Variants in EFR3B observed in about 807,000 individuals in gnomAD.
The protein encoded by EFR3B is protein EFR3 homolog B.
In EFR3B, 64 loss-of-function variants were observed where a neutral mutation model predicts 104.7. That is an observed-to-expected ratio of 0.61 (90% CI 0.50 to 0.75). EFR3B has a LOEUF of 0.75. Ranked by LOEUF, EFR3B falls within the 30% of genes least tolerant of loss-of-function variation. The pLI, the probability that EFR3B is intolerant of heterozygous loss-of-function variation, is 0.00. For synonymous variants in EFR3B, 385 were observed against 417.9 expected (o/e 0.92, Z 0.96); for missense variants, 750 against 1,078.5 (o/e 0.70, Z 4.27).
At position 25,136,780 on chromosome 2, in the gene EFR3B, G is replaced by T. The variant is rs920576273; in HGVS notation, c.1560+182G>T. Among the ~76,000 whole-genome samples the T allele has an allele frequency of 5.9e-5, 9 of 152,228 alleles. No homozygotes were observed. The highest frequency in any genetic ancestry group is 2.2e-4 in the African/African-American group (9 of 41,460). On this transcript the variant is annotated intron_variant, in intron 14 of 22. Transcript: ENST00000403714. This position sits in a 1 kb window ranked among gnomAD's most constrained non-coding sequence, Gnocchi z 4.0. Reference sequence around the variant, plus strand: ...AAGCTACAAAAATTAACCGGGCATGGTGGTGGGCACCTGCAATCCCAGCTA... The same window carrying T: ...AAGCTACAAAAATTAACCGGGCATGTTGGTGGGCACCTGCAATCCCAGCTA...
Position 25,157,546 on chromosome 2 carries a change from A to C in EFR3B, c.*3206A>C, listed in dbSNP as rs935561075. On this transcript the variant is annotated 3_prime_UTR_variant, in exon 23 of 23. Coordinates refer to ENST00000403714, the MANE Select transcript of EFR3B (RefSeq NM_014971.2). The stretch of plus-strand genomic sequence containing the variant: ...GATTTTGAGCGAAGAGGAGTCAGTA[A>C]GCCCATTGAGACCGGCTGCTCCCAA... 3 of 152,266 alleles carry C rather than the reference A, an allele frequency of 2.0e-5. No homozygotes were observed. The highest frequency in any genetic ancestry group is 6.5e-5 in the Admixed American group (1 of 15,276). The allele number at this position is 152,266 out of a possible 1,614,324, so 9.4% of individuals were successfully genotyped here.
chr2:25,065,227 T>C (rs1218216651), intron 1 of EFR3B, among the ~76,000 whole-genome samples: 1 of 152,018 alleles, frequency 6.6e-6, no homozygotes, highest in African/African-American at 2.4e-5. Context: ...GTCACCCCAG[T>C]AGGAATTCAG....
intron 3 of EFR3B, among the ~76,000 whole-genome samples, chr2:25,097,349 C>T (rs759447171): frequency 6.6e-6 from 1 of 152,200 alleles, no homozygotes; most frequent in Non-Finnish European, 1.5e-5. Context: ...CCGTACCCAA[C>T]GCCACATACA....
Position 25,128,475 on chromosome 2 carries a change from A to G in EFR3B, c.635+143A>G, listed in dbSNP as rs1000531109. ...TTGTGGCTTGTTCTGCAGTGAGTCC[A>G]AAGCTGGCTCCCTAGAAGCCATGGG... On this transcript the variant is annotated intron_variant, in intron 6 of 22. Coordinates refer to ENST00000403714, the MANE Select transcript of EFR3B (RefSeq NM_014971.2). The G allele has an allele frequency of 6.4e-6, 7 of 1,091,574 alleles. No homozygotes were observed. In the African/African-American group the frequency reaches 9.5e-5, roughly 15 times the overall value. The allele number at this position is 1,091,574 out of a possible 1,614,324, so 67.6% of individuals were successfully genotyped here. A position where few individuals can be genotyped will look rare whatever the true frequency, so the allele number is the denominator to read the frequency against.
At chr2:25,047,217 T>C (rs938939562) in intron 1 of EFR3B, among the ~76,000 whole-genome samples, 9 of 152,316 alleles carry the variant, frequency 5.9e-5, no homozygotes, top group Middle Eastern at 3.4e-3. Flanking sequence ...TGACATCAAT[T>C]ACCGCTCTGG....
chr2:25,042,366 G>T lies in EFR3B; in HGVS notation c.7+47G>T. 2.4e-6 allele frequency: 3 copies of T among 1,240,184 alleles called. No homozygotes were observed. Among genetic ancestry groups the T allele is most frequent in the African/African-American group, 3.1e-5 (2 of 64,118 alleles). The allele number at this position is 1,240,184 out of a possible 1,614,324, so 76.8% of individuals were successfully genotyped here. A position where few individuals can be genotyped will look rare whatever the true frequency, so the allele number is the denominator to read the frequency against. On this transcript the variant is annotated intron_variant, in intron 1 of 22. Coordinates refer to ENST00000403714, the MANE Select transcript of EFR3B (RefSeq NM_014971.2). The surrounding 1 kb of genome is among the most constrained non-coding windows in gnomAD (Gnocchi z 5.4). ...GGCCCGGGCCCGCGGGGGCGACTCC[G>T]CAAACTTCCCCGGCGCGGACCATTG...
In EFR3B at chr2:25,130,327, A is replaced by G. The variant is rs1429285232; in HGVS notation, c.770+218A>G. Among the ~76,000 whole-genome samples, 1 of 152,218 alleles carries G rather than the reference A, an allele frequency of 6.6e-6. No individual in the cohort carries two copies. Among genetic ancestry groups the G allele is most frequent in the East Asian group, 1.9e-4 (1 of 5,196 alleles). ...AGTAGGAAGGCACCCAACGCTAAGC[A>G]AAGGTGCCCAGCTTCACCACACACA... On this transcript the variant is annotated intron_variant, in intron 7 of 22. Coordinates refer to ENST00000403714, the MANE Select transcript of EFR3B (RefSeq NM_014971.2). This position sits in a 1 kb window ranked among gnomAD's most constrained non-coding sequence, Gnocchi z 4.6.
intron 3 of EFR3B, 133 bp downstream of exon 3, chr2:25,093,263 G>A: frequency 8.1e-7 from 1 of 1,240,532 alleles, no homozygotes; most frequent in Non-Finnish European, 1.1e-6. Flanking sequence ...GGGAGGTCAA[G>A]GTGGGAGGAT....
Position 25,130,793 on chromosome 2 carries a change from T to C in EFR3B, c.849+163T>C, listed in dbSNP as rs1670306617. ...CTAGCTGTGGAGAAGGGCCGGCTGA[T>C]TTTATTTCCAGTACATCACAGACCA... On this transcript the variant is annotated intron_variant, in intron 8 of 22. Coordinates refer to ENST00000403714, the MANE Select transcript of EFR3B (RefSeq NM_014971.2). The surrounding 1 kb of genome is among the most constrained non-coding windows in gnomAD (Gnocchi z 4.6). Among the ~76,000 whole-genome samples the C allele has an allele frequency of 6.6e-6, 1 of 152,250 alleles. No individual in the cohort carries two copies.
At chr2:25,124,458 G>A (rs1477800963) in intron 5 of EFR3B, among the ~76,000 whole-genome samples, 2 of 151,996 alleles carry the variant, frequency 1.3e-5, no homozygotes, top group Non-Finnish European at 2.9e-5. Flanking sequence ...CGGGCGCAGT[G>A]GCTCACGCCT....
chr2:25,052,746 G>T lies in EFR3B; in HGVS notation c.7+10427G>T, dbSNP rs535865429. ...TCTTGAACTCCTGACCTTGTGATCT[G>T]CCCGCCTTGGCCTCCCAAAGTGCTG... On this transcript the variant is annotated intron_variant, in intron 1 of 22. Transcript: ENST00000403714. Among the ~76,000 whole-genome samples, 5 of 151,766 alleles carry T rather than the reference G, an allele frequency of 3.3e-5. No homozygotes were observed. The East Asian group carries it at 9.8e-4, about 30-fold the overall frequency.
intron 16 of EFR3B, 129 bp from the exon 17 acceptor site, chr2:25,141,237 C>A: frequency 1.1e-6 from 1 of 946,340 alleles, no homozygotes; most frequent in Non-Finnish European, 1.5e-6. Flanking sequence ...AAAAGCTCAG[C>A]TGAGGACACT....
In EFR3B at chr2:25,110,122, C is replaced by T. The variant is rs184378569; in HGVS notation, c.363+6335C>T. Among the ~76,000 whole-genome samples, 59 of 152,150 alleles carry T rather than the reference C, an allele frequency of 3.9e-4. 1 individual carries two copies. The highest frequency in any genetic ancestry group is 1.4e-3 in the African/African-American group (58 of 41,500). On this transcript the variant is annotated intron_variant, in intron 4 of 22. Transcript: ENST00000403714. ...TGCTTCCTTGCTCCCCTGCCCCTCA[C>T]GAGATCTCACCTCCCTGGGTCTCCT...
intron 1 of EFR3B, among the ~76,000 whole-genome samples, chr2:25,055,243 T>C (rs1649390877): frequency 6.6e-6 from 1 of 152,258 alleles, no homozygotes; most frequent in East Asian, 1.9e-4. Flanking sequence ...TGATGGCAAT[T>C]GCACGTGTCT....
At position 25,126,386 on chromosome 2, in the gene EFR3B, G is replaced by C. The variant is rs189517041; in HGVS notation, c.486-1797G>C. On this transcript the variant is annotated intron_variant, in intron 5 of 22. Coordinates refer to ENST00000403714, the MANE Select transcript of EFR3B (RefSeq NM_014971.2). The stretch of plus-strand genomic sequence containing the variant: ...TTCTTTTTTTTTTTTTTGAGACAGG[G>C]TCTTACTCTTTCGCCTAGGCAGGAG... 3.3e-5 allele frequency among the ~76,000 whole-genome samples: 5 copies of C among 151,320 alleles called. No homozygotes were observed. The East Asian group carries it at 9.7e-4, about 29-fold the overall frequency.
At position 25,141,446 on chromosome 2, in the gene EFR3B, C is replaced by G. The variant is rs375615620; in HGVS notation, c.1922+13C>G. 1 of 1,550,524 alleles carries G rather than the reference C, an allele frequency of 6.4e-7. No individual in the cohort carries two copies. ...TGGAGAGGCCCAGGTGAGGAGAGGA[C>G]GGGGGACGTGGTCAGGGATCCCCAG... On this transcript the variant is annotated intron_variant, in intron 17 of 22. Transcript: ENST00000403714.
chr2:25,139,264 G>GCATT, intron 16 of EFR3B, 74 bp downstream of exon 16: 11 of 1,495,008 alleles, frequency 7.4e-6, no homozygotes, highest in Non-Finnish European at 8.1e-6. Flanking sequence ...TTCCTTAATT[G>GCATT]CATTAGTCCT....
At chr2:25,089,064 G>C (rs1233816020) in intron 1 of EFR3B, among the ~76,000 whole-genome samples, 2 of 152,166 alleles carry the variant, frequency 1.3e-5, no homozygotes, top group Non-Finnish European at 2.9e-5. Context: ...GTGGACCAGA[G>C]AGGGAAGGAT....
intron 1 of EFR3B, among the ~76,000 whole-genome samples, chr2:25,068,101 C>CT (rs1668387299): frequency 1.3e-5 from 2 of 152,132 alleles, no homozygotes; most frequent in Admixed American, 1.3e-4. Flanking sequence ...GCTTTCTGAG[C>CT]CAAGGGGAGG....
Sources: allele counts gnomAD v4.1 joint callset (sites outside exome capture counted in the v4.1 genomes callset), GRCh38; gene constraint gnomAD v4.1.1; non-coding constraint Gnocchi (gnomAD v3.1); transcripts MANE v1.5; gene names NCBI Gene and HGNC (gene_info 2026-07-23, HGNC 2026-07-21).